The following MAP6D1 variants were observed in gnomAD, a reference collection of about 807,000 sequenced individuals.
The protein encoded by MAP6D1 is MAP6 domain-containing protein 1.
In MAP6D1, 13 loss-of-function variants were observed where a neutral mutation model predicts 17.4. That is an observed-to-expected ratio of 0.75 (90% CI 0.49 to 1.19). The LOEUF (loss-of-function observed/expected upper bound fraction) is 1.19. Among genes scored for constraint, MAP6D1 ranks in the 50% most tolerant of loss-of-function variants. The pLI, the probability that MAP6D1 is intolerant of heterozygous loss-of-function variation, is 0.00. For missense variants in MAP6D1, 313 were observed against 312.6 expected (o/e 1.00, Z -0.01); for synonymous variants, 141 against 145.7 (o/e 0.97, Z 0.23).
Position 183,817,333 on chromosome 3 carries a change from C to G in MAP6D1, c.*23G>C, listed in dbSNP as rs889780231. On this transcript the variant is annotated 3_prime_UTR_variant, in exon 3 of 3. Coordinates refer to ENST00000318631, the MANE Select transcript of MAP6D1 (RefSeq NM_024871.4). The stretch of plus-strand genomic sequence containing the variant: ...CTCCCCAGCCCTGTCCTGTCGGCAG[C>G]CATGGTGTCACGGTGCAGGCAGTCA... 9.6e-6 allele frequency: 15 copies of G among 1,555,254 alleles called. No individual in the cohort carries two copies. Among genetic ancestry groups the G allele is most frequent in the African/African-American group, 1.4e-5 (1 of 73,476 alleles).
At chr3:183,820,539 GC>G (rs1291677448) in intron 1 of MAP6D1, 4 of 152,394 alleles carry the variant, frequency 2.6e-5, no homozygotes, top group African/African-American at 4.8e-5. Flanking sequence ...GGCAAGGCGG[GC>G]AGATCATGAG....
chr3:183,819,016 A>G (rs980738767), intron 1 of MAP6D1, among the ~76,000 whole-genome samples: 3 of 152,258 alleles, frequency 2.0e-5, no homozygotes, highest in East Asian at 3.9e-4. Context: ...AGAAGGCAGA[A>G]GTCCCTGTGT....
At position 183,825,387 on chromosome 3, in the gene MAP6D1, G is replaced by A. The variant is rs1727365164; in HGVS notation, c.161C>T (p.Pro54Leu). The stretch of plus-strand genomic sequence containing the variant: ...CCGGCCGGAATCCCGGGCGCCCGCG[G>A]GAGGCTGGCCCCTGCGCGAGGCGGC... Reference protein sequence around the residue: ...GGAASRRGQPPAGARDSGRDV... With the variant: ...GGAASRRGQPLAGARDSGRDV... Residue 54 changes from proline (P) to leucine (L), a missense_variant, in exon 1 of 3, where the codon CCC (proline) becomes CTC (leucine). Physicochemically the swap from Pro to Leu is moderately conservative, Grantham distance 98. Transcript: ENST00000318631. 6.9e-7 allele frequency: 1 copy of A among 1,443,710 alleles called. No individual in the cohort carries two copies. The allele number at this position is 1,443,710 out of a possible 1,614,324, so 89.4% of individuals were successfully genotyped here. A position where few individuals can be genotyped will look rare whatever the true frequency, so the allele number is the denominator to read the frequency against.
intron 1 of MAP6D1, among the ~76,000 whole-genome samples, chr3:183,818,445 A>G (rs1018013671): frequency 2.0e-5 from 3 of 152,148 alleles, no homozygotes; most frequent in African/African-American, 7.2e-5. Flanking sequence ...CTCAGTTAGC[A>G]CCTGGGTCTC....
intron 1 of MAP6D1, among the ~76,000 whole-genome samples, chr3:183,822,375 A>T (rs895924188): frequency 1.3e-5 from 2 of 152,016 alleles, no homozygotes; most frequent in Non-Finnish European, 2.9e-5. Flanking sequence ...TGGGAGGTTG[A>T]GGCTGCAGTG....
At chr3:183,823,903 T>C (rs1727313665) in intron 1 of MAP6D1, among the ~76,000 whole-genome samples, 1 of 152,234 alleles carries the variant, frequency 6.6e-6, no homozygotes. Context: ...CCCTATCAAG[T>C]TCCTCTCCCT....
chr3:183,822,030 A>C (rs1263826766), intron 1 of MAP6D1, among the ~76,000 whole-genome samples: 1 of 152,132 alleles, frequency 6.6e-6, no homozygotes, highest in Non-Finnish European at 1.5e-5. Context: ...ATCTTTGTTC[A>C]TATCATCATT....
rs945424690 is a variant in MAP6D1, at chr3:183,825,553, C to T, written c.-6G>A. 2 of 1,213,034 alleles carry T rather than the reference C, an allele frequency of 1.6e-6. No individual in the cohort carries two copies. The highest frequency in any genetic ancestry group is 3.4e-5 in the East Asian group (1 of 29,434). The allele number at this position is 1,213,034 out of a possible 1,614,324, so 75.1% of individuals were successfully genotyped here. A position where few individuals can be genotyped will look rare whatever the true frequency, so the allele number is the denominator to read the frequency against. ...CTGATACAGGGCCACGCCATGCCAG[C>T]CCCGGCGCCCGCCGCCCCGCTCCCG... On this transcript the variant is annotated 5_prime_UTR_variant, in exon 1 of 3. Coordinates refer to ENST00000318631, the MANE Select transcript of MAP6D1 (RefSeq NM_024871.4).
At chr3:183,817,902 G>T in intron 2 of MAP6D1, 92 bp downstream of exon 2, 2 of 997,100 alleles carry the variant, frequency 2.0e-6, no homozygotes, top group Non-Finnish European at 3.1e-6. Flanking sequence ...GGTCATAATT[G>T]CATTTTACAC....
intron 1 of MAP6D1, among the ~76,000 whole-genome samples, chr3:183,818,837 G>A (rs1727180684): frequency 6.6e-6 from 1 of 152,218 alleles, no homozygotes. Flanking sequence ...CTGTGGCGGG[G>A]AGGGTGGTGT....
chr3:183,818,865 C>G (rs376584267), intron 1 of MAP6D1, among the ~76,000 whole-genome samples: 10 of 152,018 alleles, frequency 6.6e-5, no homozygotes, highest in African/African-American at 2.4e-4. Flanking sequence ...GAAGGCGGGC[C>G]CTGGAGGGAG....
At chr3:183,823,593 T>C (rs1727307374) in intron 1 of MAP6D1, among the ~76,000 whole-genome samples, 1 of 151,356 alleles carries the variant, frequency 6.6e-6, no homozygotes, top group Non-Finnish European at 1.5e-5. Context: ...AGAGCGAGAC[T>C]CTGTCTCAAA....
chr3:183,825,031 G>A, intron 1 of MAP6D1, 116 bp downstream of exon 1: 2 of 1,124,456 alleles, frequency 1.8e-6, no homozygotes, highest in South Asian at 3.7e-5. Flanking sequence ...GAGGTCGCGT[G>A]GGATCCGGGC....
chr3:183,825,210 C>T lies in MAP6D1; in HGVS notation c.338G>A (p.Arg113His). 7.0e-7 allele frequency: 1 copy of T among 1,435,730 alleles called. No individual in the cohort carries two copies. 88.9% of individuals were successfully genotyped at this position (1,435,730 alleles called of 1,614,324 possible). A position where few individuals can be genotyped will look rare whatever the true frequency, so the allele number is the denominator to read the frequency against. Reference protein sequence around the residue: ...QSSAPPAPGARGVYVLPIGDA... With the variant: ...QSSAPPAPGAHGVYVLPIGDA... The stretch of plus-strand genomic sequence containing the variant: ...GCCGATGGGCAGCACGTAGACCCCG[C>T]GGGCGCCGGGCGCAGGTGGCGCGGA... Residue 113 changes from arginine (R) to histidine (H), a missense_variant, in exon 1 of 3, where the codon CGC becomes CAC. Transcript: ENST00000318631.
At chr3:183,821,550 T>TG (rs1418895929) in intron 1 of MAP6D1, among the ~76,000 whole-genome samples, 1 of 147,396 alleles carries the variant, frequency 6.8e-6, no homozygotes, top group African/African-American at 2.5e-5. Flanking sequence ...GCTTTTTTTT[T>TG]TTTTTTTTTT....
intron 2 of MAP6D1, among the ~76,000 whole-genome samples, 153 bp downstream of exon 2, chr3:183,817,841 G>C (rs1322113564): frequency 3.3e-5 from 5 of 152,224 alleles, no homozygotes; most frequent in Non-Finnish European, 7.3e-5. Context: ...CTACTGATGA[G>C]GAAGTACCTT....
At position 183,816,207 on chromosome 3, in the gene MAP6D1, T is replaced by A. The variant is rs1374509861; in HGVS notation, c.*1149A>T. On this transcript the variant is annotated 3_prime_UTR_variant, in exon 3 of 3. Coordinates refer to ENST00000318631, the MANE Select transcript of MAP6D1 (RefSeq NM_024871.4). ...CTGGAACCACTGTCCCACCTGCACGTCTGGTGGCTCTGAGACCCGAGTGCC... is the reference window on the plus strand; with the variant it reads ...CTGGAACCACTGTCCCACCTGCACGACTGGTGGCTCTGAGACCCGAGTGCC... 6.6e-6 allele frequency: 1 copy of A among 152,200 alleles called. No individual in the cohort carries two copies. Among genetic ancestry groups the A allele is most frequent in the Non-Finnish European group, 1.5e-5 (1 of 68,052 alleles). The allele number at this position is 152,200 out of a possible 1,614,324, so 9.4% of individuals were successfully genotyped here.
chr3:183,817,946 A>T (rs1343693716), intron 2 of MAP6D1, 48 bp downstream of exon 2: 1 of 1,423,168 alleles, frequency 7.0e-7, no homozygotes, highest in African/African-American at 1.4e-5. Flanking sequence ...CTACCCGGGG[A>T]AAGAGGCCTC....
At chr3:183,817,615 T>G (rs1727148286) in intron 2 of MAP6D1, among the ~76,000 whole-genome samples, 179 bp from the exon 3 acceptor site, 1 of 152,142 alleles carries the variant, frequency 6.6e-6, no homozygotes, top group African/African-American at 2.4e-5. Context: ...CATTAGCAGC[T>G]GAGTGGTACA....
Sources: allele counts gnomAD v4.1 joint callset (sites outside exome capture counted in the v4.1 genomes callset), GRCh38; gene constraint gnomAD v4.1.1; transcripts MANE v1.5; gene names NCBI Gene and HGNC (gene_info 2026-07-23, HGNC 2026-07-21).